Variants in CEP162 observed in about 807,000 individuals in gnomAD.
CEP162 encodes the protein centrosomal protein 162, also known as centrosomal protein of 162 kDa.
A neutral mutation model predicts 169.2 loss-of-function variants in CEP162; 141 were observed. The ratio of observed to expected loss-of-function variants is 0.83; its 90% confidence interval spans 0.73 to 0.96. The LOEUF (loss-of-function observed/expected upper bound fraction) is 0.96, where lower values mean the gene tolerates loss of function less well. Among genes scored for constraint, CEP162 ranks in the 40% least tolerant of loss-of-function variants. The pLI is 0.00. For missense variants in CEP162, 1,600 were observed against 1,587.2 expected (o/e 1.01, Z -0.14); for synonymous variants, 540 against 526.4 (o/e 1.03, Z -0.35).
intron 6 of CEP162, among the ~76,000 whole-genome samples, chr6:84,212,590 C>T (rs756590903): frequency 2.7e-4 from 41 of 151,130 alleles, no homozygotes; most frequent in Non-Finnish European, 5.3e-4. Flanking sequence ...ATAAGTAATA[C>T]AATAGAAGGA....
At chr6:84,160,253 T>C (rs1259987315) in intron 21 of CEP162, among the ~76,000 whole-genome samples, 2 of 152,180 alleles carry the variant, frequency 1.3e-5, no homozygotes, top group Non-Finnish European at 2.9e-5. Flanking sequence ...CTAAAACAAA[T>C]ACTTAAATAA....
intron 13 of CEP162, among the ~76,000 whole-genome samples, chr6:84,183,841 TTTAA>T (rs1451793561): frequency 6.6e-6 from 1 of 152,196 alleles, no homozygotes; most frequent in African/African-American, 2.4e-5. Context: ...GATCACTAAC[TTTAA>T]TTAGACTGCC....
At chr6:84,225,018 CATT>C (rs1393673345) in intron 2 of CEP162, among the ~76,000 whole-genome samples, 3 of 152,050 alleles carry the variant, frequency 2.0e-5, no homozygotes, top group African/African-American at 7.2e-5. Flanking sequence ...ACAAAGAAGG[CATT>C]ATTTTTCCAT....
intron 25 of CEP162, among the ~76,000 whole-genome samples, chr6:84,130,302 A>G (rs777081538): frequency 4.6e-5 from 7 of 152,176 alleles, no homozygotes; most frequent in Non-Finnish European, 1.0e-4. Flanking sequence ...CATCAGGGAT[A>G]CTGGCCTGAA....
rs1307699102 is a variant in CEP162, at chr6:84,215,425, C to T, written c.360G>A (p.Val120=). ...VSELNHSSLG[V]GLDTLEEQEE... is the part of the protein sequence containing the mutation. ...CTTGTTCTTCTAATGTGTCCAATCC[C>T]ACTCCGAGACTACTATGGTTGAGCT... is the stretch of plus-strand genomic sequence containing the variant. Residue 120 remains valine, a synonymous_variant, in exon 5 of 27, where the codon GTG becomes GTA. Transcript: ENST00000403245. The T allele has an allele frequency of 1.2e-6, 2 of 1,607,322 alleles. No homozygotes were observed. Among genetic ancestry groups the T allele is most frequent in the African/African-American group, 1.3e-5 (1 of 74,876 alleles).
intron 17 of CEP162, among the ~76,000 whole-genome samples, chr6:84,169,668 T>C (rs965165637): frequency 2.0e-5 from 3 of 152,140 alleles, no homozygotes; most frequent in Non-Finnish European, 4.4e-5. Context: ...AGATTATTGG[T>C]TTATTTATAA....
intron 6 of CEP162, 91 bp from the exon 7 acceptor site, chr6:84,204,187 C>A (rs1588869598): frequency 1.4e-6 from 1 of 709,402 alleles, no homozygotes; most frequent in East Asian, 2.6e-5. Context: ...AGGAAGAAGT[C>A]TGTATAAGAA....
chr6:84,157,920 A>C (rs1220147490), intron 21 of CEP162, among the ~76,000 whole-genome samples: 1 of 152,194 alleles, frequency 6.6e-6, no homozygotes, highest in African/African-American at 2.4e-5. Context: ...ATCTACTTTA[A>C]AATGATTTCT....
At chr6:84,163,504 C>T (rs996988438) in intron 18 of CEP162, among the ~76,000 whole-genome samples, 2 of 151,948 alleles carry the variant, frequency 1.3e-5, no homozygotes, top group Admixed American at 6.6e-5. Context: ...ATCTATTGTT[C>T]TAACTTCTTC....
chr6:84,215,879 A>G lies in CEP162; in HGVS notation c.216T>C (p.Thr72=). Residue 72 remains threonine, a synonymous_variant, in exon 4 of 27, where the codon ACT becomes ACC. Coordinates refer to ENST00000403245, the MANE Select transcript of CEP162 (RefSeq NM_014895.4). ...TNVSYLKTKK[T]SQPVMEIEEE... is the part of the protein sequence containing the mutation. ...CTTCTATTTCCATAACAGGCTGAGA[A>G]GTCTTCTTTGTTTTCAAATAGCTCA... The G allele has an allele frequency of 1.9e-6, 3 of 1,578,946 alleles. No individual in the cohort carries two copies. The highest frequency in any genetic ancestry group is 2.6e-6 in the Non-Finnish European group (3 of 1,160,888).
intron 25 of CEP162, among the ~76,000 whole-genome samples, chr6:84,136,346 G>A (rs2099514039): frequency 6.6e-6 from 1 of 152,188 alleles, no homozygotes; most frequent in South Asian, 2.1e-4. Context: ...CATCTGGGAA[G>A]GGCCTTTTGC....
intron 9 of CEP162, among the ~76,000 whole-genome samples, chr6:84,199,359 T>C (rs2099543497): frequency 6.6e-6 from 1 of 152,088 alleles, no homozygotes; most frequent in Admixed American, 6.6e-5. Context: ...ATGTAACAAG[T>C]CAAAATAGTG....
chr6:84,131,775 T>A (rs180901011), intron 25 of CEP162, among the ~76,000 whole-genome samples: 63 of 152,294 alleles, frequency 4.1e-4, no homozygotes, highest in African/African-American at 1.5e-3. Flanking sequence ...AGCACACTGA[T>A]GGGTTTTGAC....
intron 13 of CEP162, among the ~76,000 whole-genome samples, chr6:84,184,556 T>C (rs1303904995): frequency 6.6e-6 from 1 of 152,120 alleles, no homozygotes; most frequent in Non-Finnish European, 1.5e-5. Context: ...GCAGTCCTTC[T>C]TAATATACTT....
chr6:84,149,034 A>G (rs1318448942), intron 24 of CEP162, among the ~76,000 whole-genome samples: 1 of 152,208 alleles, frequency 6.6e-6, no homozygotes, highest in African/African-American at 2.4e-5. Context: ...AGCATTCCCT[A>G]TAATAATTCT....
At chr6:84,130,374 A>G (rs994758739) in intron 25 of CEP162, among the ~76,000 whole-genome samples, 16 of 152,152 alleles carry the variant, frequency 1.1e-4, no homozygotes, top group Non-Finnish European at 2.1e-4. Context: ...GGCCTCATAA[A>G]ATGAGTTAGG....
intron 25 of CEP162, among the ~76,000 whole-genome samples, chr6:84,142,615 A>G (rs2099517145): frequency 6.6e-6 from 1 of 152,204 alleles, no homozygotes; most frequent in South Asian, 2.1e-4. Context: ...TGATTAGTTT[A>G]ACATTACTGA....
chr6:84,146,010 A>C (rs2099518703), intron 25 of CEP162, among the ~76,000 whole-genome samples: 1 of 152,114 alleles, frequency 6.6e-6, no homozygotes, highest in African/African-American at 2.4e-5. Context: ...ATCTCCTGAA[A>C]TGAGACACAA....
rs951912232 is a variant in CEP162, at chr6:84,223,359, C to G, written c.58-2188G>C. Among the ~76,000 whole-genome samples the G allele has an allele frequency of 6.6e-5, 10 of 151,756 alleles. 1 individual carries two copies. Among genetic ancestry groups the G allele is most frequent in the Admixed American group, 5.9e-4 (9 of 15,254 alleles). Reference sequence around the variant, plus strand: ...ACTAAAAATACAAAAATTAGCTGGGCGTGGTGGCGCATGCCTGTAATCCCA... The same window carrying G: ...ACTAAAAATACAAAAATTAGCTGGGGGTGGTGGCGCATGCCTGTAATCCCA... On this transcript the variant is annotated intron_variant, in intron 2 of 26. Transcript: ENST00000403245.
Sources: gnomAD v4.1 joint callset for allele counts (sites outside exome capture counted in the v4.1 genomes callset) on GRCh38, gnomAD v4.1.1 for gene constraint, MANE v1.5 for transcripts, NCBI Gene and HGNC (gene_info 2026-07-23, HGNC 2026-07-21) for gene names.